Variants in SNTB1 observed in about 807,000 individuals in gnomAD.
SNTB1 encodes the protein beta-1-syntrophin.
In SNTB1, 36 loss-of-function variants were observed where a neutral mutation model predicts 48.9. The ratio of observed to expected loss-of-function variants is 0.74; its 90% CI spans 0.56 to 0.97. The LOEUF is 0.97. SNTB1 is among the 50% of genes least tolerant of loss of function. The pLI is 0.00. For missense variants in SNTB1, 786 were observed against 703.4 expected, an observed-to-expected ratio of 1.12 and a Z score of -1.33; for synonymous variants, 299 against 294.6, an observed-to-expected ratio of 1.01 and a Z score of -0.15.
intron 1 of SNTB1, among the ~76,000 whole-genome samples, chr8:120,740,251 G>A (rs959784903): frequency 6.6e-6 from 1 of 152,100 alleles, no homozygotes; most frequent in East Asian, 1.9e-4. Context: ...TCAAGAACTT[G>A]GCACATGTTA....
intron 1 of SNTB1, among the ~76,000 whole-genome samples, chr8:120,739,299 A>G (rs1819003797): frequency 6.6e-6 from 1 of 152,172 alleles, no homozygotes; most frequent in Admixed American, 6.5e-5. Context: ...TCAAGGGCCC[A>G]GTAGGGTTGT....
intron 2 of SNTB1, among the ~76,000 whole-genome samples, chr8:120,688,855 A>G (rs1422954216): frequency 6.6e-6 from 1 of 152,142 alleles, no homozygotes; most frequent in Non-Finnish European, 1.5e-5. Context: ...GAAGGAGTAA[A>G]TTTCAGATTC....
In SNTB1 at chr8:120,811,956, G is replaced by C. The variant is rs1356666187; in HGVS notation, c.-113C>G. 7.8e-7 allele frequency: 1 copy of C among 1,274,648 alleles called. No homozygotes were observed. The highest frequency in any genetic ancestry group is 9.8e-7 in the Non-Finnish European group (1 of 1,015,370). 79.0% of individuals were successfully genotyped at this position (1,274,648 alleles called of 1,614,324 possible). A position where few individuals can be genotyped will look rare whatever the true frequency, so the allele number is the denominator to read the frequency against. ...GAGCGAGGAGAGTGCGTCCCGCGGG[G>C]AGGTGGCGGCACGCGGGACTCCGCT... On this transcript the variant is annotated 5_prime_UTR_variant, in exon 1 of 7. Transcript: ENST00000517992.
chr8:120,678,628 T>C (rs1328369817), intron 2 of SNTB1, among the ~76,000 whole-genome samples: 1 of 152,220 alleles, frequency 6.6e-6, no homozygotes, highest in African/African-American at 2.4e-5. Context: ...AAATACTGAT[T>C]TGGGGCTGCC....
chr8:120,576,971 G>A (rs923122126), intron 3 of SNTB1, among the ~76,000 whole-genome samples: 3 of 152,144 alleles, frequency 2.0e-5, no homozygotes, highest in Non-Finnish European at 4.4e-5. Context: ...AACGCCCTCA[G>A]TAAAACACAG....
chr8:120,566,398 C>T (rs527615196), intron 4 of SNTB1, among the ~76,000 whole-genome samples: 1 of 150,466 alleles, frequency 6.6e-6, no homozygotes, highest in African/African-American at 2.4e-5. Flanking sequence ...TTTTGCCCTT[C>T]CACCCACGTG....
At position 120,811,851 on chromosome 8, in the gene SNTB1, G is replaced by A. The variant is rs1417330556; in HGVS notation, c.-8C>T. 2.7e-5 allele frequency: 36 copies of A among 1,340,300 alleles called. 1 individual carries two copies. In the South Asian group the frequency reaches 7.8e-4, roughly 29 times the overall value. The allele number at this position is 1,340,300 out of a possible 1,614,324, so 83.0% of individuals were successfully genotyped here. On this transcript the variant is annotated 5_prime_UTR_variant, in exon 1 of 7. Coordinates refer to ENST00000517992, the MANE Select transcript of SNTB1 (RefSeq NM_021021.4). ...CGCCGCCGCTACCGCCATCTTTCCG[G>A]CATTCTTAAAATGCCATGTGATTGG...
At chr8:120,693,566 T>G in intron 2 of SNTB1, 126 bp downstream of exon 2, 1 of 779,870 alleles carries the variant, frequency 1.3e-6, no homozygotes, top group East Asian at 2.7e-5. Context: ...AGCATGGCCC[T>G]TTCATGCTTT....
At chr8:120,674,288 T>TCATC (rs1212726711) in intron 2 of SNTB1, among the ~76,000 whole-genome samples, 2 of 152,210 alleles carry the variant, frequency 1.3e-5, no homozygotes, top group African/African-American at 4.8e-5. Context: ...ACTCATCAGT[T>TCATC]CATCCAGCCA....
chr8:120,746,085 C>A (rs1819121143), intron 1 of SNTB1, among the ~76,000 whole-genome samples: 1 of 152,104 alleles, frequency 6.6e-6, no homozygotes, highest in African/African-American at 2.4e-5. Context: ...CAGAGTTGAG[C>A]CTTGAACAAC....
intron 4 of SNTB1, among the ~76,000 whole-genome samples, chr8:120,564,563 G>GATT (rs1243511893): frequency 5.5e-5 from 2 of 36,236 alleles, no homozygotes; most frequent in African/African-American, 1.6e-4. Flanking sequence ...CTATTATTCT[G>GATT]GTTTTTTTTT....
rs552644117 is a variant in SNTB1, at chr8:120,766,437, A to G, written c.571+44836T>C. ...TATAGCAATGCTCTTTGGCACATAA[A>G]GTTTCCATTTCATTATGTCTTCACT... On this transcript the variant is annotated intron_variant, in intron 1 of 6. Coordinates refer to ENST00000517992, the MANE Select transcript of SNTB1 (RefSeq NM_021021.4). Among the ~76,000 whole-genome samples, 18 of 152,306 alleles carry G rather than the reference A, an allele frequency of 1.2e-4. No individual in the cohort carries two copies. The East Asian group carries it at 3.5e-3, about 29-fold the overall frequency.
chr8:120,544,782 A>G (rs7840116), intron 5 of SNTB1, among the ~76,000 whole-genome samples: 116,183 of 145,750 alleles, frequency 0.8, 46,647 homozygotes, highest in Non-Finnish European at 0.84. Context: ...CAACTCTCAA[A>G]TTCAAAACTT....
chr8:120,734,934 C>T (rs1442420889), intron 1 of SNTB1, among the ~76,000 whole-genome samples: 1 of 152,186 alleles, frequency 6.6e-6, no homozygotes, highest in African/African-American at 2.4e-5. Context: ...CACATCTCAA[C>T]TGTTTTTCAA....
intron 6 of SNTB1, among the ~76,000 whole-genome samples, chr8:120,539,282 T>C (rs1815247355): frequency 8.0e-6 from 1 of 125,406 alleles, no homozygotes; most frequent in African/African-American, 4.1e-5. Context: ...TATTTATTCA[T>C]GTTGGATTTG....
Position 120,681,243 on chromosome 8 carries a change from G to A in SNTB1, c.788+12449C>T, listed in dbSNP as rs116583949. 3.1e-3 allele frequency among the ~76,000 whole-genome samples: 469 copies of A among 152,210 alleles called. 5 individuals are homozygous for A. The highest frequency in any genetic ancestry group is 0.011 in the African/African-American group (450 of 41,524). On this transcript the variant is annotated intron_variant, in intron 2 of 6. Transcript: ENST00000517992. ...TGCAAGGATTCTCTTCGGGAAAAAC[G>A]GTGGTTTGGCTATTCATGTTGATCT...
intron 1 of SNTB1, among the ~76,000 whole-genome samples, chr8:120,755,728 T>C (rs538019864): frequency 4.6e-5 from 7 of 152,248 alleles, no homozygotes; most frequent in Non-Finnish European, 7.4e-5. Context: ...TTACGCTAAC[T>C]CTATGAGGTA....
rs1465585872 is a variant in SNTB1 at position 120,536,640 on chromosome 8, A to G, written c.*2237T>C. 6.6e-6 allele frequency: 1 copy of G among 152,172 alleles called. No homozygotes were observed. The allele number at this position is 152,172 out of a possible 1,614,324, so 9.4% of individuals were successfully genotyped here. On this transcript the variant is annotated 3_prime_UTR_variant, in exon 7 of 7. Transcript: ENST00000517992. ...TGCTAATAACATTTTAATTTACTCTAGAAAATGCATTAATTTTATTCAAAT... is the reference window on the plus strand; with the variant it reads ...TGCTAATAACATTTTAATTTACTCTGGAAAATGCATTAATTTTATTCAAAT...
chr8:120,805,853 G>A (rs1464125727), intron 1 of SNTB1, among the ~76,000 whole-genome samples: 2 of 152,204 alleles, frequency 1.3e-5, no homozygotes, highest in South Asian at 2.1e-4. Flanking sequence ...GGCCATTTAT[G>A]AGCATTAAAA....
Sources: gnomAD v4.1 joint callset for allele counts (sites outside exome capture counted in the v4.1 genomes callset) on GRCh38, gnomAD v4.1.1 for gene constraint, MANE v1.5 for transcripts, NCBI Gene and HGNC (gene_info 2026-07-23, HGNC 2026-07-21) for gene names.